The following SCRN1 variants were observed in gnomAD, a reference collection of about 807,000 sequenced individuals.
The protein encoded by SCRN1 is secernin-1.
Under a neutral mutation model 43.3 loss-of-function variants are expected in SCRN1, and 19 were observed. The observed-to-expected ratio is 0.44, with a 90% CI of 0.31 to 0.64. SCRN1 has a LOEUF of 0.64. SCRN1 is among the 30% of genes least tolerant of loss of function. The pLI, the probability that SCRN1 is intolerant of heterozygous loss-of-function variation, is 0.09. For missense variants in SCRN1, 447 were observed against 524.1 expected, an observed-to-expected ratio of 0.85 and a Z score of 1.44; for synonymous variants, 183 against 188.9, an observed-to-expected ratio of 0.97 and a Z score of 0.26.
intron 3 of SCRN1, among the ~76,000 whole-genome samples, chr7:29,949,677 CCT>C (rs1787853650): frequency 6.7e-6 from 1 of 148,772 alleles, no homozygotes; most frequent in South Asian, 2.1e-4. Flanking sequence ...CACATCAGGC[CCT>C]TTTTTCCTTC....
At chr7:29,977,310 C>T (rs1344763481) in intron 1 of SCRN1, among the ~76,000 whole-genome samples, 1 of 152,174 alleles carries the variant, frequency 6.6e-6, no homozygotes, top group African/African-American at 2.4e-5. Flanking sequence ...GAATTACCAC[C>T]TTCCAGAAAA....
chr7:29,929,077 T>C (rs781764742), intron 6 of SCRN1, among the ~76,000 whole-genome samples: 7 of 152,142 alleles, frequency 4.6e-5, no homozygotes, highest in Non-Finnish European at 8.8e-5. Context: ...CGTCCTACCC[T>C]TGAGGGCCAG....
At chr7:29,936,779 G>C (rs965079530) in intron 5 of SCRN1, 58 bp from the exon 6 acceptor site, 1 of 1,376,730 alleles carries the variant, frequency 7.3e-7, no homozygotes, top group Non-Finnish European at 9.6e-7. Context: ...GGGCGCGGTG[G>C]CTCACGCCTG....
At chr7:29,977,172 G>T (rs534205109) in intron 1 of SCRN1, among the ~76,000 whole-genome samples, 2 of 152,196 alleles carry the variant, frequency 1.3e-5, no homozygotes, top group African/African-American at 2.4e-5. Flanking sequence ...TAAGCGTCTT[G>T]CAAGTACCGA....
intron 5 of SCRN1, 83 bp from the exon 6 acceptor site, chr7:29,936,804 T>TG (rs1430682733): frequency 8.5e-7 from 1 of 1,177,140 alleles, no homozygotes; most frequent in Non-Finnish European, 1.1e-6. Flanking sequence ...CCCAGCACTT[T>TG]GGGAGGCCGA....
At chr7:29,968,111 GATA>G (rs199763110) in intron 2 of SCRN1, among the ~76,000 whole-genome samples, 1 of 152,246 alleles carries the variant, frequency 6.6e-6, no homozygotes, top group East Asian at 1.9e-4. Flanking sequence ...AGAATTAATG[GATA>G]ATGTTTTATT....
intron 1 of SCRN1, among the ~76,000 whole-genome samples, chr7:29,981,521 G>T (rs894167001): frequency 1.3e-5 from 2 of 152,192 alleles, no homozygotes; most frequent in Non-Finnish European, 2.9e-5. Context: ...GGAGATTTAG[G>T]TTAAATACAT....
intron 1 of SCRN1, among the ~76,000 whole-genome samples, chr7:29,978,165 G>T (rs150280808): frequency 1.2e-4 from 18 of 152,340 alleles, no homozygotes; most frequent in African/African-American, 4.1e-4. Flanking sequence ...CAGCAGCGTG[G>T]TGTGGAACAG....
At chr7:29,938,305 T>C (rs952285381) in intron 5 of SCRN1, among the ~76,000 whole-genome samples, 3 of 152,232 alleles carry the variant, frequency 2.0e-5, no homozygotes, top group Middle Eastern at 6.8e-3. Flanking sequence ...GTGCTGGGAG[T>C]GCGGGCATGA....
At chr7:29,958,092 C>G (rs1383129526) in intron 2 of SCRN1, among the ~76,000 whole-genome samples, 1 of 152,144 alleles carries the variant, frequency 6.6e-6, no homozygotes, top group South Asian at 2.1e-4. Context: ...TCCTAAGCAC[C>G]AGACCGAAAG....
intron 1 of SCRN1, 163 bp from the exon 2 acceptor site, chr7:29,969,231 C>A: frequency 2.9e-6 from 2 of 687,726 alleles, no homozygotes. Context: ...GGGACGCCTG[C>A]AGTGGAATGA....
chr7:29,984,033 T>C (rs2127933502), intron 1 of SCRN1, among the ~76,000 whole-genome samples: 1 of 152,038 alleles, frequency 6.6e-6, no homozygotes, highest in African/African-American at 2.4e-5. Flanking sequence ...TGGCATTACC[T>C]TATCTCTACT....
intron 2 of SCRN1, among the ~76,000 whole-genome samples, chr7:29,961,058 C>CTT (rs200892857): frequency 1.5e-5 from 2 of 131,612 alleles, no homozygotes; most frequent in Admixed American, 7.6e-5. Flanking sequence ...GATCTTATTT[C>CTT]TTTTTTTTTT....
rs757825943 is a variant in SCRN1 at position 29,968,979 on chromosome 7, C to T, written c.89G>A (p.Arg30Gln). ...AACCTCTTGCACTTCATCTCTGGGC[C>T]GGGCTGAATTTTTCCCAAATACCAC... ...GLVVFGKNSA[R>Q]PRDEVQEVVY... The change falls in exon 2 of 8, where the codon CGG becomes CAG. Residue 30 changes from arginine to glutamine, a missense_variant. Arg to Gln is a conservative substitution (Grantham distance 43). Coordinates refer to ENST00000242059, the MANE Select transcript of SCRN1 (RefSeq NM_014766.5). 1.2e-6 allele frequency: 2 copies of T among 1,613,950 alleles called. No homozygotes were observed. The highest frequency in any genetic ancestry group is 1.3e-5 in the African/African-American group (1 of 74,880).
In SCRN1 at chr7:29,940,758, A is replaced by C; in HGVS notation, c.663T>G (p.Asn221Lys). Residue 221 changes from asparagine (N) to lysine (K), a missense_variant, in exon 5 of 8, where the codon AAT (asparagine) becomes AAG (lysine). Asn to Lys is a moderately conservative substitution (Grantham distance 94, BLOSUM62 0). Transcript: ENST00000242059. ...CAACTGGAGAAAAGACTTCGGAAAAATTGAACTCGCCCTCTCCCGTCCACC... is the reference window on the plus strand; with the variant it reads ...CAACTGGAGAAAAGACTTCGGAAAACTTGAACTCGCCCTCTCCCGTCCACC... ...QGWWTGEGEFNFSEVFSPVED... is the reference protein window; with the variant it reads ...QGWWTGEGEFKFSEVFSPVED... 6.2e-7 allele frequency: 1 copy of C among 1,609,500 alleles called. No homozygotes were observed. The highest frequency in any genetic ancestry group is 8.5e-7 in the Non-Finnish European group (1 of 1,178,792).
At chr7:29,936,318 C>G (rs1787324503) in intron 6 of SCRN1, among the ~76,000 whole-genome samples, 1 of 152,098 alleles carries the variant, frequency 6.6e-6, no homozygotes, top group African/African-American at 2.4e-5. Flanking sequence ...TCGCACCAAC[C>G]TAATAAATTT....
At chr7:29,952,515 C>T (rs906881341) in intron 3 of SCRN1, among the ~76,000 whole-genome samples, 2 of 151,968 alleles carry the variant, frequency 1.3e-5, no homozygotes. Flanking sequence ...CATGGTGAAA[C>T]CCCGTCCCTA....
intron 1 of SCRN1, chr7:29,989,198 T>C (rs1302708292): frequency 1.3e-5 from 2 of 151,952 alleles, no homozygotes; most frequent in Non-Finnish European, 2.9e-5. Context: ...CGGGCAGCCA[T>C]GTTCGCGGCG....
intron 6 of SCRN1, among the ~76,000 whole-genome samples, chr7:29,927,591 G>A (rs1787010973): frequency 6.6e-6 from 1 of 152,184 alleles, no homozygotes; most frequent in Non-Finnish European, 1.5e-5. Context: ...GTACCATGGG[G>A]CAGCACCTGC....
Sources: gnomAD v4.1 joint callset for allele counts (sites outside exome capture counted in the v4.1 genomes callset) on GRCh38, gnomAD v4.1.1 for gene constraint, MANE v1.5 for transcripts, NCBI Gene and HGNC (gene_info 2026-07-23, HGNC 2026-07-21) for gene names.